Variants in FAM178B observed in about 807,000 individuals in gnomAD.
FAM178B encodes the protein family with sequence similarity 178 member B.
FAM178B carries 82 observed loss-of-function variants against 91.7 expected under a neutral mutation model. The observed-to-expected ratio is 0.89, with a 90% CI of 0.75 to 1.07. FAM178B has a LOEUF of 1.07. FAM178B is among the 50% of genes least tolerant of loss of function. FAM178B has a pLI of 0.00. For synonymous variants in FAM178B, 368 were observed against 359.4 expected (o/e 1.02, Z -0.27); for missense variants, 769 against 846.7 (o/e 0.91, Z 1.14).
At chr2:96,877,036 A>G (rs974057628) in intron 16 of FAM178B, among the ~76,000 whole-genome samples, 1 of 152,144 alleles carries the variant, frequency 6.6e-6, no homozygotes, top group African/African-American at 2.4e-5. Context: ...TAGTCTGCTC[A>G]TCTGTAAAAT....
intron 16 of FAM178B, among the ~76,000 whole-genome samples, chr2:96,877,281 C>T (rs2080266157): frequency 6.6e-6 from 1 of 152,176 alleles, no homozygotes; most frequent in Admixed American, 6.5e-5. Context: ...CCTGGCACTG[C>T]TCATGAAAGA....
intron 14 of FAM178B, among the ~76,000 whole-genome samples, chr2:96,880,738 G>C (rs1414311617): frequency 6.6e-6 from 1 of 152,202 alleles, no homozygotes; most frequent in Non-Finnish European, 1.5e-5. Flanking sequence ...GGGACTACAG[G>C]CGCCCGCCAC....
intron 5 of FAM178B, among the ~76,000 whole-genome samples, chr2:96,961,874 G>A (rs1271576165): frequency 1.3e-5 from 2 of 152,192 alleles, no homozygotes; most frequent in Admixed American, 6.5e-5. Flanking sequence ...TGCAGACCCG[G>A]GAGGACTCTG....
At chr2:96,899,021 G>A (rs149916093) in intron 13 of FAM178B, among the ~76,000 whole-genome samples, 1 of 152,196 alleles carries the variant, frequency 6.6e-6, no homozygotes, top group Non-Finnish European at 1.5e-5. Context: ...TTGAAGGAGT[G>A]TTTCAGGAAG....
At chr2:96,970,933 G>A (rs1379882949) in intron 3 of FAM178B, among the ~76,000 whole-genome samples, 156 bp from the exon 4 acceptor site, 1 of 151,934 alleles carries the variant, frequency 6.6e-6, no homozygotes. Context: ...GTATAAAGGC[G>A]CAGGGTAAAA....
intron 14 of FAM178B, among the ~76,000 whole-genome samples, chr2:96,882,418 A>G (rs2080408839): frequency 1.3e-5 from 2 of 152,174 alleles, no homozygotes; most frequent in Admixed American, 6.5e-5. Context: ...GGAGTGGTGC[A>G]GGGCAGGCAG....
At chr2:96,980,152 T>G (rs904531197) in intron 1 of FAM178B, among the ~76,000 whole-genome samples, 1 of 149,212 alleles carries the variant, frequency 6.7e-6, no homozygotes, top group African/African-American at 2.5e-5. Flanking sequence ...CTTGGCTCAC[T>G]GCAACCTCCG....
At chr2:96,972,657 G>T in intron 1 of FAM178B, 51 bp from the exon 2 acceptor site, 1 of 1,508,482 alleles carries the variant, frequency 6.6e-7, no homozygotes. Context: ...GAAAGCTAAA[G>T]GTTCTAAACC....
intron 8 of FAM178B, among the ~76,000 whole-genome samples, chr2:96,945,320 C>A (rs970067386): frequency 2.6e-5 from 4 of 152,128 alleles, no homozygotes; most frequent in Admixed American, 1.3e-4. Flanking sequence ...GGCCCTCAGC[C>A]CCAGTCACTA....
chr2:96,894,532 A>C (rs1270469362), intron 13 of FAM178B, among the ~76,000 whole-genome samples: 1 of 63,804 alleles, frequency 1.6e-5, no homozygotes, highest in Non-Finnish European at 3.0e-5. Context: ...CCCCCCACAC[A>C]TACCCACTCA....
chr2:96,958,697 T>TAAAAAAAAA (rs55924441), intron 6 of FAM178B, among the ~76,000 whole-genome samples: 4 of 55,536 alleles, frequency 7.2e-5, no homozygotes, highest in African/African-American at 1.4e-4. Flanking sequence ...CTCAAAATAC[T>TAAAAAAAAA]AAAAAAAAAA....
chr2:96,884,977 C>T (rs903145761), intron 14 of FAM178B, among the ~76,000 whole-genome samples: 1 of 152,246 alleles, frequency 6.6e-6, no homozygotes, highest in African/African-American at 2.4e-5. Flanking sequence ...AACCTAGGGT[C>T]CCAGAAGACA....
chr2:96,901,483 G>A (rs754154524), intron 13 of FAM178B, among the ~76,000 whole-genome samples: 6 of 152,090 alleles, frequency 3.9e-5, no homozygotes, highest in Admixed American at 2.0e-4. Context: ...TCAGAAGGCC[G>A]ACCTCTTAAT....
chr2:96,906,876 A>C (rs2081066400), intron 12 of FAM178B, among the ~76,000 whole-genome samples: 1 of 152,230 alleles, frequency 6.6e-6, no homozygotes, highest in Admixed American at 6.5e-5. Context: ...GCCAGTCAGA[A>C]GTCTGCATCT....
chr2:96,967,606 C>T lies in FAM178B; in HGVS notation c.648G>A (p.Glu216=). 6.5e-7 allele frequency: 1 copy of T among 1,550,156 alleles called. No individual in the cohort carries two copies. Among genetic ancestry groups the T allele is most frequent in the South Asian group, 1.2e-5 (1 of 84,058 alleles). The change falls in exon 5 of 17, where the codon GAG becomes GAA. Residue 216 remains glutamate (E), a synonymous_variant. Transcript: ENST00000490605. ...QEKREQALEQ[E]RERLLLQECL... ...ACTCCTGCAGAAGCAGCCTCTCTCG[C>T]TCCTGCTCCAGGGCCTGTTCCCTAT...
Position 96,970,716 on chromosome 2 carries a change from C to T in FAM178B, c.626G>A (p.Arg209Lys), listed in dbSNP as rs878896456. Residue 209 changes from arginine to lysine, a missense_variant and splice_region_variant, in exon 4 of 17, where the codon AGG becomes AAG. Transcript: ENST00000490605. ...NNLDYLLQEK[R>K]EQALEQERER... is the part of the protein sequence containing the mutation. ...ATGACAGGCCACGCCCTGTGCTCAC[C>T]TCTTCTCCTGCAGTAAGTAGTCCAG... 3.9e-6 allele frequency: 6 copies of T among 1,551,138 alleles called. No homozygotes were observed. In the South Asian group the frequency reaches 5.9e-5, roughly 15 times the overall value.
chr2:96,941,452 AAAAG>A, intron 8 of FAM178B, among the ~76,000 whole-genome samples: 1 of 152,222 alleles, frequency 6.6e-6, no homozygotes, highest in Middle Eastern at 3.2e-3. Flanking sequence ...GCAACGGCAG[AAAAG>A]AAAGTAACCC....
chr2:96,879,922 C>T (rs953808473), intron 14 of FAM178B, among the ~76,000 whole-genome samples: 3 of 152,256 alleles, frequency 2.0e-5, no homozygotes, highest in Non-Finnish European at 2.9e-5. Context: ...TCCAACCTGG[C>T]CTTGCCTTTG....
At chr2:96,976,569 G>T (rs1251257377) in intron 1 of FAM178B, among the ~76,000 whole-genome samples, 1 of 151,722 alleles carries the variant, frequency 6.6e-6, no homozygotes, top group East Asian at 1.9e-4. Flanking sequence ...ACAGGGCTAG[G>T]CATGGTGGCT....
Sources: gnomAD v4.1 joint callset for allele counts (sites outside exome capture counted in the v4.1 genomes callset) on GRCh38, gnomAD v4.1.1 for gene constraint, MANE v1.5 for transcripts, NCBI Gene and HGNC (gene_info 2026-07-23, HGNC 2026-07-21) for gene names.